PPP2R5C: variants seen among roughly 807,000 people sequenced by gnomAD.
PPP2R5C encodes the protein protein phosphatase 2 regulatory subunit B'gamma.
PPP2R5C carries 7 observed loss-of-function variants against 68.9 expected under a neutral mutation model. That is an observed-to-expected ratio of 0.10 (90% CI 0.06 to 0.19). The LOEUF is 0.19. Ranked by LOEUF, PPP2R5C falls within the 10% of genes least tolerant of loss-of-function variation. The pLI is 1.00. For missense variants in PPP2R5C, 348 were observed against 641.3 expected (o/e 0.54, Z 4.94); for synonymous variants, 210 against 222.2 (o/e 0.95, Z 0.49).
At chr14:101,799,018 G>T (rs533438554) in intron 3 of PPP2R5C, among the ~76,000 whole-genome samples, 14 of 152,332 alleles carry the variant, frequency 9.2e-5, no homozygotes, top group Admixed American at 1.3e-4. Flanking sequence ...AGGTGGTTTT[G>T]TAAGATCAGA....
chr14:101,925,484 CG>C (rs780846569), exon 14 of PPP2R5C: 16 of 767,438 alleles, frequency 2.1e-5, no homozygotes, highest in Non-Finnish European at 2.7e-5. Flanking sequence ...GGGTTGACGA[CG>C]GTGTCCTCGC....
intron 1 of PPP2R5C, among the ~76,000 whole-genome samples, chr14:101,811,840 G>A (rs939876759): frequency 2.6e-5 from 4 of 151,856 alleles, no homozygotes; most frequent in African/African-American, 4.8e-5. Flanking sequence ...ATCATTTCAC[G>A]TTGTGTCTTG....
At chr14:101,809,912 G>A (rs1364233730) in exon 1 of PPP2R5C, 6 of 1,607,448 alleles carry the variant, frequency 3.7e-6, no homozygotes, top group Non-Finnish European at 5.1e-6. Context: ...CTTGCCTTAA[G>A]GAGCCCATTG....
exon 3 of PPP2R5C, chr14:101,786,132 A>G: frequency 6.3e-7 from 1 of 1,591,150 alleles, no homozygotes; most frequent in Non-Finnish European, 8.6e-7. Context: ...AAATTCTTCA[A>G]GGTTTAGCGC....
chr14:101,789,505 G>A (rs61994022), intron 3 of PPP2R5C, among the ~76,000 whole-genome samples: 12,812 of 152,280 alleles, frequency 0.084, 605 homozygotes, highest in Middle Eastern at 0.14. Context: ...TATAATTGCT[G>A]TGTTGACAGA....
upstream of PPP2R5C, chr14:101,761,800 G>A (rs1183888191): frequency 2.1e-6 from 2 of 971,806 alleles, no homozygotes; most frequent in East Asian, 1.2e-4. Context: ...CGGCGGCGGC[G>A]GCCGCGGGGG....
chr14:101,873,961 G>T (rs2043588819), intron 2 of PPP2R5C, among the ~76,000 whole-genome samples: 1 of 152,200 alleles, frequency 6.6e-6, no homozygotes, highest in African/African-American at 2.4e-5. Context: ...ATATTTGGTT[G>T]TTTCAGGCAG....
At chr14:101,855,785 C>T (rs982292244) in intron 1 of PPP2R5C, among the ~76,000 whole-genome samples, 1 of 152,152 alleles carries the variant, frequency 6.6e-6, no homozygotes, top group Non-Finnish European at 1.5e-5. Context: ...AATACTGGAC[C>T]GTCATTCAGA....
At chr14:101,813,636 G>T (rs568277327) in intron 1 of PPP2R5C, among the ~76,000 whole-genome samples, 7 of 152,326 alleles carry the variant, frequency 4.6e-5, no homozygotes, top group Admixed American at 1.3e-4. Flanking sequence ...CCGGAAAGAT[G>T]GTAATGGCCA....
At chr14:101,843,164 G>T (rs2041604911) in intron 1 of PPP2R5C, among the ~76,000 whole-genome samples, 1 of 152,146 alleles carries the variant, frequency 6.6e-6, no homozygotes, top group Non-Finnish European at 1.5e-5. Flanking sequence ...GGAAGTTGAG[G>T]CTACAGTGAG....
Position 101,919,969 on chromosome 14 carries a change from C to CCAA in PPP2R5C, c.1443+2022_1443+2023insCAA, listed in dbSNP as rs775818748. Among the ~76,000 whole-genome samples, 134 of 52,746 alleles carry CCAA rather than the reference C, an allele frequency of 2.5e-3. 1 individual carries two copies. The highest frequency in any genetic ancestry group is 6.0e-3 in the East Asian group (10 of 1,656). The allele number at this position is 52,746 out of a possible 152,430, so 34.6% of individuals were successfully genotyped here. On this transcript the variant is annotated intron_variant, in intron 13 of 13. Transcript: ENST00000334743. The stretch of plus-strand genomic sequence containing the variant: ...GGGCAAGAAAAGCAAAACTCCGTCT[C>CCAA]AAAAAAAAAAAAAAAAAAAAAAACC...
intron 2 of PPP2R5C, among the ~76,000 whole-genome samples, chr14:101,775,916 C>G (rs991990618): frequency 6.6e-6 from 1 of 152,074 alleles, no homozygotes; most frequent in African/African-American, 2.4e-5. Context: ...GACCCCGTGT[C>G]TGTTCAGTGG....
chr14:101,870,595 C>T (rs1014271797), intron 2 of PPP2R5C, among the ~76,000 whole-genome samples: 2 of 152,188 alleles, frequency 1.3e-5, no homozygotes, highest in African/African-American at 4.8e-5. Flanking sequence ...CTGCTATAAC[C>T]TCTTTCTTCT....
In PPP2R5C at chr14:101,825,249, T is replaced by TGTGTGTGTG. The variant is rs1566875325; in HGVS notation, c.94+15213_94+15214insGTGTGTGTG. On this transcript the variant is annotated intron_variant, in intron 1 of 13. Transcript: ENST00000334743. This position sits in a 1 kb window ranked among gnomAD's most constrained non-coding sequence, Gnocchi z 4.0. Reference sequence around the variant, plus strand: ...GTGTGTGTGTGTGTGTGTGTGTGTGTTGATGAATTTATTACTTATTAAAAA... The same window carrying TGTGTGTGTG: ...GTGTGTGTGTGTGTGTGTGTGTGTGTGTGTGTGTGTGATGAATTTATTACTTATTAAAAA... 6.5e-5 allele frequency among the ~76,000 whole-genome samples: 9 copies of TGTGTGTGTG among 139,510 alleles called. No individual in the cohort carries two copies. Among genetic ancestry groups the TGTGTGTGTG allele is most frequent in the East Asian group, 4.3e-4 (2 of 4,618 alleles). 91.5% of individuals were successfully genotyped at this position (139,510 alleles called of 152,430 possible).
At chr14:101,910,914 C>T (rs921412393) in intron 11 of PPP2R5C, among the ~76,000 whole-genome samples, 1 of 152,060 alleles carries the variant, frequency 6.6e-6, no homozygotes, top group East Asian at 1.9e-4. Context: ...ACAAGCCTGG[C>T]GAACACAGTG....
At chr14:101,926,111 G>C (rs1299956052) in exon 14 of PPP2R5C, 10 of 152,236 alleles carry the variant, frequency 6.6e-5, no homozygotes, top group Admixed American at 6.5e-4. Flanking sequence ...CTTCAACAAG[G>C]CTCTTGAATT....
Position 101,916,178 on chromosome 14 carries a change from G to A in PPP2R5C, c.1327-1653G>A, listed in dbSNP as rs1409863063. Among the ~76,000 whole-genome samples the A allele has an allele frequency of 6.6e-6, 1 of 152,230 alleles. No homozygotes were observed. The highest frequency in any genetic ancestry group is 1.5e-5 in the Non-Finnish European group (1 of 68,042). ...AGCTCTTTGGCGCAGCATGGATGGA[G>A]TGCTGGGGCTGTCGGGGTAGGGTGT... On this transcript the variant is annotated intron_variant, in intron 12 of 13. Coordinates refer to ENST00000334743, the Ensembl canonical transcript of PPP2R5C. The surrounding 1 kb of genome is among the most constrained non-coding windows in gnomAD (Gnocchi z 5.5).
At chr14:101,914,292 A>G (rs2046543162) in intron 12 of PPP2R5C, 5 of 429,642 alleles carry the variant, frequency 1.2e-5, no homozygotes, top group Non-Finnish European at 2.3e-5. Flanking sequence ...AGTCTCGTCC[A>G]CATGCTCTAG....
Position 101,920,717 on chromosome 14 carries a change from G to C in PPP2R5C, c.1443+2770G>C, listed in dbSNP as rs551732173. 3.9e-5 allele frequency among the ~76,000 whole-genome samples: 6 copies of C among 152,328 alleles called. No individual in the cohort carries two copies. The East Asian group carries it at 9.6e-4, about 24-fold the overall frequency. ...GAGTAGCCAAAACAACTGTGAAAAA[G>C]AACAAAGTTGGAAGACTAATAATAC... On this transcript the variant is annotated intron_variant, in intron 13 of 13. Coordinates refer to ENST00000334743, the Ensembl canonical transcript of PPP2R5C.
Sources: allele counts gnomAD v4.1 joint callset (sites outside exome capture counted in the v4.1 genomes callset), GRCh38; gene constraint gnomAD v4.1.1; non-coding constraint Gnocchi (gnomAD v3.1); transcripts MANE v1.5; gene names NCBI Gene and HGNC (gene_info 2026-07-23, HGNC 2026-07-21).